Variants in UGGT1 observed in about 807,000 individuals in gnomAD.
The protein encoded by UGGT1 is UDP-glucose glycoprotein glucosyltransferase 1.
In UGGT1, 107 loss-of-function variants were observed where a neutral mutation model predicts 203.9. That is an observed-to-expected ratio of 0.52 (90% CI 0.45 to 0.62). The LOEUF is 0.62. Among genes scored for constraint, UGGT1 ranks in the 20% least tolerant of loss-of-function variants. UGGT1 has a pLI of 0.00. For synonymous variants in UGGT1, 628 were observed against 653.5 expected (o/e 0.96, Z 0.59); for missense variants, 1,673 against 1,867.2 (o/e 0.90, Z 1.92).
Position 128,182,296 on chromosome 2 carries a change from G to A in UGGT1, c.4244+6G>A. On this transcript the variant is annotated splice_donor_region_variant and intron_variant, in intron 37 of 40. Transcript: ENST00000259253. ...GGGCGAAAGTATCATATCAGGTACT[G>A]AAAAGAAGCACTCCTAACACTGTTA... 1 of 1,609,104 alleles carries A rather than the reference G, an allele frequency of 6.2e-7. No homozygotes were observed. The highest frequency in any genetic ancestry group is 8.5e-7 in the Non-Finnish European group (1 of 1,178,212).
chr2:128,156,525 G>T, intron 21 of UGGT1, 110 bp downstream of exon 21: 2 of 826,682 alleles, frequency 2.4e-6, no homozygotes, highest in Non-Finnish European at 1.9e-6. Flanking sequence ...CGGAATCTGT[G>T]GGTAACAGGA....
At chr2:128,143,335 C>T (rs942489205) in intron 17 of UGGT1, 110 bp downstream of exon 17, 56 of 1,230,556 alleles carry the variant, frequency 4.6e-5, no homozygotes, top group Non-Finnish European at 5.8e-5. Context: ...TGTTTCAGTA[C>T]TTAGCATTTA....
intron 2 of UGGT1, among the ~76,000 whole-genome samples, chr2:128,101,987 A>G (rs1375810140): frequency 3.3e-5 from 5 of 152,182 alleles, no homozygotes; most frequent in South Asian, 2.1e-4. Flanking sequence ...ACATTTATAT[A>G]TGGAGAGAAT....
intron 16 of UGGT1, chr2:128,140,143 T>A: frequency 6.1e-6 from 1 of 163,526 alleles, no homozygotes; most frequent in Non-Finnish European, 1.4e-5. Context: ...ATCAAAATCG[T>A]CACCCATATG....
chr2:128,119,125 A>G (rs770582129), intron 8 of UGGT1, among the ~76,000 whole-genome samples: 10 of 152,210 alleles, frequency 6.6e-5, no homozygotes, highest in Non-Finnish European at 1.3e-4. Context: ...GAAATGCTTC[A>G]ATGAACATTT....
At position 128,172,890 on chromosome 2, in the gene UGGT1, A is replaced by G. The variant is rs1387507281; in HGVS notation, c.3294+128A>G. ...ATTTTTTTAAACAACAGCTTTATTC[A>G]CATGGAACTCATATACCATAAAATT... On this transcript the variant is annotated intron_variant, in intron 29 of 40. Transcript: ENST00000259253. 8.2e-6 allele frequency: 7 copies of G among 850,098 alleles called. No individual in the cohort carries two copies. In the African/African-American group the frequency reaches 1.0e-4, roughly 12 times the overall value. The allele number at this position is 850,098 out of a possible 1,614,324, so 52.7% of individuals were successfully genotyped here.
chr2:128,129,168 C>A lies in UGGT1; in HGVS notation c.1366C>A (p.Pro456Thr), dbSNP rs1688758616. ...AGACTATGCCGTAGACATCCGGAGT[C>A]CTGCTATTTCAGTGAGTATTTTGTT... ...EADYAVDIRS[P>T]AISWVNNLEV... Residue 456 changes from proline to threonine, a missense_variant, in exon 13 of 41, where the codon CCT becomes ACT. Around this residue, in one of 4 missense-constraint regions of UGGT1, gnomAD observed 1,073 missense variants for 1,078.7 expected, o/e 0.99. Coordinates refer to ENST00000259253, the MANE Select transcript of UGGT1 (RefSeq NM_020120.4). 6.2e-7 allele frequency: 1 copy of A among 1,608,126 alleles called. No individual in the cohort carries two copies. Among genetic ancestry groups the A allele is most frequent in the Non-Finnish European group, 8.5e-7 (1 of 1,178,674 alleles).
chr2:128,168,615 CAAAA>C (rs1028674997), intron 26 of UGGT1, among the ~76,000 whole-genome samples: 1 of 152,144 alleles, frequency 6.6e-6, no homozygotes, highest in Non-Finnish European at 1.5e-5. Context: ...TAATGGTTTT[CAAAA>C]ATTGGGTATA....
intron 2 of UGGT1, among the ~76,000 whole-genome samples, chr2:128,099,843 GA>G (rs1372811182): frequency 6.6e-6 from 1 of 152,038 alleles, no homozygotes; most frequent in Non-Finnish European, 1.5e-5. Context: ...TATTATGGGG[GA>G]AAAAAGCCCA....
Position 128,188,757 on chromosome 2 carries a change from G to A in UGGT1, c.4643-960G>A, listed in dbSNP as rs532290019. ...CCTGGAGGTCAAGGTTGCAGTGAGC[G>A]ACTGCACTCCAGCCTAGGTAACAGA... is the stretch of plus-strand genomic sequence containing the variant. On this transcript the variant is annotated intron_variant, in intron 40 of 40. Transcript: ENST00000259253. 3.9e-5 allele frequency among the ~76,000 whole-genome samples: 6 copies of A among 152,130 alleles called. No homozygotes were observed. The South Asian group carries it at 8.3e-4, about 21-fold the overall frequency.
At chr2:128,183,603 C>T in intron 37 of UGGT1, 72 bp from the exon 38 acceptor site, 1 of 1,129,304 alleles carries the variant, frequency 8.9e-7, no homozygotes, top group Non-Finnish European at 1.3e-6. Flanking sequence ...TGGCCTGTTC[C>T]ATTATTCATT....
intron 12 of UGGT1, 144 bp from the exon 13 acceptor site, chr2:128,128,884 CA>C: frequency 1.4e-6 from 1 of 730,078 alleles, no homozygotes; most frequent in Non-Finnish European, 2.1e-6. Context: ...ATTTTATCCT[CA>C]ATTTGTGTGT....
intron 1 of UGGT1, among the ~76,000 whole-genome samples, chr2:128,095,542 C>T (rs1463770786): frequency 2.6e-5 from 4 of 151,728 alleles, no homozygotes; most frequent in Non-Finnish European, 4.4e-5. Flanking sequence ...CGTAACTCCT[C>T]CTGTCCCGCT....
Position 128,172,784 on chromosome 2 carries a change from C to T in UGGT1, c.3294+22C>T, listed in dbSNP as rs113000262. ...AGAGGTAAGACCATATCTATTGCTTCCAAATACCTAATCATGTATAATACA... is the reference window on the plus strand; with the variant it reads ...AGAGGTAAGACCATATCTATTGCTTTCAAATACCTAATCATGTATAATACA... On this transcript the variant is annotated intron_variant, in intron 29 of 40. Transcript: ENST00000259253. 7.1e-4 allele frequency: 1,142 copies of T among 1,600,092 alleles called. 8 individuals carry two copies. The African/African-American group carries it at 0.014, about 19-fold the overall frequency.
chr2:128,096,351 A>G lies in UGGT1; in HGVS notation c.59-1078A>G, dbSNP rs537241958. On this transcript the variant is annotated intron_variant, in intron 1 of 40. Coordinates refer to ENST00000259253, the MANE Select transcript of UGGT1 (RefSeq NM_020120.4). ...CAAAGTATCACAAACTGGGTGGCTT[A>G]GAACAATAGATATTTACTGTCTCAC... 2.6e-3 allele frequency among the ~76,000 whole-genome samples: 391 copies of G among 152,368 alleles called. 1 individual carries two copies. The highest frequency in any genetic ancestry group is 4.3e-3 in the Non-Finnish European group (292 of 68,036).
intron 2 of UGGT1, among the ~76,000 whole-genome samples, chr2:128,102,292 G>A (rs939172484): frequency 5.3e-5 from 8 of 151,888 alleles, no homozygotes; most frequent in African/African-American, 1.9e-4. Context: ...ACAGGCGCCC[G>A]CCACCACCCT....
chr2:128,112,454 T>TATATATATATATA lies in UGGT1; in HGVS notation c.522-630_522-629insATATATATATATA, dbSNP rs1553433490. On this transcript the variant is annotated intron_variant, in intron 5 of 40. Coordinates refer to ENST00000259253, the MANE Select transcript of UGGT1 (RefSeq NM_020120.4). ...AAAAAACCCCCCAAAAAATACTATG[T>TATATATATATATA]TATATATATATATATATATTACATA... 4.8e-4 allele frequency among the ~76,000 whole-genome samples: 27 copies of TATATATATATATA among 55,812 alleles called. 1 individual carries two copies. Among genetic ancestry groups the TATATATATATATA allele is most frequent in the African/African-American group, 1.4e-3 (27 of 18,898 alleles). The allele number at this position is 55,812 out of a possible 152,430, so 36.6% of individuals were successfully genotyped here. A position where few individuals can be genotyped will look rare whatever the true frequency, so the allele number is the denominator to read the frequency against.
At chr2:128,179,656 C>G (rs944899982) in intron 34 of UGGT1, 130 bp from the exon 35 acceptor site, 10 of 686,030 alleles carry the variant, frequency 1.5e-5, no homozygotes, top group Non-Finnish European at 2.4e-5. Flanking sequence ...GAGCGTCTCC[C>G]TCGGCCTAAT....
chr2:128,186,436 A>ATCT (rs1337096004), intron 38 of UGGT1, among the ~76,000 whole-genome samples: 5 of 152,076 alleles, frequency 3.3e-5, no homozygotes, highest in African/African-American at 1.2e-4. Context: ...GGCAAAACGC[A>ATCT]TCTCTAGTAA....
Sources: allele counts gnomAD v4.1 joint callset (sites outside exome capture counted in the v4.1 genomes callset), GRCh38; gene constraint gnomAD v4.1.1; regional missense constraint gnomAD v4.1.1; transcripts MANE v1.5; gene names NCBI Gene and HGNC (gene_info 2026-07-23, HGNC 2026-07-21).